Variants in CCNY observed in about 807,000 individuals in gnomAD.
CCNY encodes the protein cyclin-Y.
Under a neutral mutation model 42.8 loss-of-function variants are expected in CCNY, and 19 were observed. The ratio of observed to expected loss-of-function variants is 0.44; its 90% CI spans 0.31 to 0.65. The LOEUF is 0.65. CCNY is among the 30% of genes least tolerant of loss of function. The pLI is 0.07. For missense variants in CCNY, 370 were observed against 437.3 expected (o/e 0.85, Z 1.37); for synonymous variants, 165 against 162.7 (o/e 1.01, Z -0.11).
chr10:35,327,887 G>C (rs1835898177), intron 3 of CCNY: 1 of 152,252 alleles, frequency 6.6e-6, no homozygotes, highest in Non-Finnish European at 1.5e-5. Flanking sequence ...AGCAAGAGCT[G>C]ATCCTGTTCT....
intron 3 of CCNY, chr10:35,251,014 A>G (rs564376592): frequency 2.0e-5 from 3 of 152,340 alleles, no homozygotes; most frequent in Admixed American, 1.3e-4. Context: ...GGGCCATGCT[A>G]ATCTTCTCGT....
At chr10:35,427,291 C>T (rs918969473) in intron 1 of CCNY, among the ~76,000 whole-genome samples, 1 of 152,212 alleles carries the variant, frequency 6.6e-6, no homozygotes, top group African/African-American at 2.4e-5. Flanking sequence ...GATAATGCCA[C>T]CTGGCTGGGC....
At chr10:35,282,929 G>T (rs1835314436) in intron 3 of CCNY, among the ~76,000 whole-genome samples, 2 of 152,026 alleles carry the variant, frequency 1.3e-5, no homozygotes, top group South Asian at 4.2e-4. Context: ...GCCCGAGAGA[G>T]TTCCAGCTTG....
chr10:35,260,021 G>A (rs546475888), intron 3 of CCNY, among the ~76,000 whole-genome samples: 1 of 152,160 alleles, frequency 6.6e-6, no homozygotes, highest in South Asian at 2.1e-4. Context: ...CAGGGCCAGA[G>A]AAAGCACGGC....
At chr10:35,498,765 G>C (rs1430984256) in intron 2 of CCNY, among the ~76,000 whole-genome samples, 1 of 152,138 alleles carries the variant, frequency 6.6e-6, no homozygotes, top group African/African-American at 2.4e-5. Flanking sequence ...CTCAGAAACT[G>C]TGCAGACTTC....
intron 5 of CCNY, among the ~76,000 whole-genome samples, chr10:35,529,343 T>G (rs959782331): frequency 1.3e-5 from 2 of 152,230 alleles, no homozygotes; most frequent in African/African-American, 4.8e-5. Context: ...CTTAAGCAGA[T>G]CCAACAACCT....
At chr10:35,455,095 A>C (rs778523773) in intron 1 of CCNY, among the ~76,000 whole-genome samples, 3 of 152,228 alleles carry the variant, frequency 2.0e-5, no homozygotes, top group Non-Finnish European at 2.9e-5. Flanking sequence ...ACCATCATTG[A>C]AATCAAAGCT....
intron 1 of CCNY, among the ~76,000 whole-genome samples, chr10:35,403,804 A>G (rs972625915): frequency 3.9e-5 from 6 of 152,234 alleles, no homozygotes; most frequent in Admixed American, 2.0e-4. Context: ...GGTAGCCTCA[A>G]TGATAGATGT....
intron 1 of CCNY, among the ~76,000 whole-genome samples, chr10:35,356,602 C>A (rs1165287833): frequency 6.6e-6 from 1 of 152,090 alleles, no homozygotes; most frequent in Non-Finnish European, 1.5e-5. Flanking sequence ...GCGCCCACTC[C>A]TTAACCTCTT....
At chr10:35,557,601 C>CA (rs112084435) in intron 8 of CCNY, among the ~76,000 whole-genome samples, 10,563 of 151,984 alleles carry the variant, frequency 0.07, 1,123 homozygotes, top group African/African-American at 0.23. Context: ...ACTAAAAATA[C>CA]AAAAATTAGC....
chr10:35,428,870 A>G (rs186505790), intron 1 of CCNY, among the ~76,000 whole-genome samples: 2 of 152,350 alleles, frequency 1.3e-5, no homozygotes, highest in Non-Finnish European at 2.9e-5. Flanking sequence ...AGGAAGACCA[A>G]GTTGGGAAAG....
At chr10:35,565,754 G>C (rs1269624335) in intron 8 of CCNY, among the ~76,000 whole-genome samples, 3 of 152,056 alleles carry the variant, frequency 2.0e-5, no homozygotes, top group African/African-American at 7.2e-5. Flanking sequence ...AGAGCCTGCT[G>C]TGTGTGTGTT....
intron 1 of CCNY, among the ~76,000 whole-genome samples, chr10:35,361,467 CTTTT>C (rs1262057719): frequency 6.6e-6 from 1 of 152,048 alleles, no homozygotes; most frequent in Non-Finnish European, 1.5e-5. Flanking sequence ...TAGGTTTTTT[CTTTT>C]AATTTTTTAA....
chr10:35,461,987 T>C (rs1300670428), intron 1 of CCNY, among the ~76,000 whole-genome samples: 3 of 152,132 alleles, frequency 2.0e-5, no homozygotes, highest in African/African-American at 7.2e-5. Context: ...TATAGTTATA[T>C]TCCAGGCTCC....
At chr10:35,308,852 G>C (rs552626946) in intron 3 of CCNY, among the ~76,000 whole-genome samples, 1 of 152,292 alleles carries the variant, frequency 6.6e-6, no homozygotes, top group East Asian at 1.9e-4. Flanking sequence ...ACCCCTGGAA[G>C]GCAATATTGA....
chr10:35,340,264 A>G (rs185304356), intron 1 of CCNY, among the ~76,000 whole-genome samples: 2 of 152,112 alleles, frequency 1.3e-5, no homozygotes, highest in Non-Finnish European at 2.9e-5. Flanking sequence ...GCCTTCTGGG[A>G]TAGGGTGTCT....
chr10:35,345,725 A>G (rs1836288230), intron 1 of CCNY, among the ~76,000 whole-genome samples: 1 of 152,220 alleles, frequency 6.6e-6, no homozygotes, highest in Admixed American at 6.5e-5. Flanking sequence ...GCAGGCTTCA[A>G]GGCAGTCCCA....
At chr10:35,473,949 C>T (rs959125215) in intron 1 of CCNY, among the ~76,000 whole-genome samples, 10 of 152,144 alleles carry the variant, frequency 6.6e-5, no homozygotes, top group Admixed American at 1.3e-4. Flanking sequence ...GCACCATGCG[C>T]GAGCCGAAGC....
At chr10:35,557,381 G>A (rs932729546) in intron 8 of CCNY, among the ~76,000 whole-genome samples, 2 of 152,122 alleles carry the variant, frequency 1.3e-5, no homozygotes, top group Admixed American at 1.3e-4. Flanking sequence ...AATTGCAGTA[G>A]TGTTTTCTGG....
Sources: allele counts gnomAD v4.1 joint callset (sites outside exome capture counted in the v4.1 genomes callset), GRCh38; gene constraint gnomAD v4.1.1; transcripts MANE v1.5; gene names NCBI Gene and HGNC (gene_info 2026-07-23, HGNC 2026-07-21).